Variants in ZNF800 observed in about 807,000 individuals in gnomAD.
The protein encoded by ZNF800 is zinc finger protein 800.
In ZNF800, 13 loss-of-function variants were observed where a neutral mutation model predicts 59.5. The observed-to-expected ratio is 0.22, with a 90% CI of 0.14 to 0.35. The LOEUF (loss-of-function observed/expected upper bound fraction) is 0.35. Ranked by LOEUF, ZNF800 falls within the 10% of genes least tolerant of loss-of-function variation. ZNF800 has a pLI of 1.00. For missense variants in ZNF800, 621 were observed against 783.7 expected (o/e 0.79, Z 2.48); for synonymous variants, 266 against 265.7 (o/e 1.00, Z -0.01).
At chr7:127,383,069 CAAAGG>C (rs1365652147) in intron 3 of ZNF800, among the ~76,000 whole-genome samples, 3 of 152,080 alleles carry the variant, frequency 2.0e-5, no homozygotes, top group Non-Finnish European at 4.4e-5. Context: ...GAAAACAGTT[CAAAGG>C]AAAAGCTGAA....
At chr7:127,379,854 C>CCCCA (rs1562907489) in intron 3 of ZNF800, among the ~76,000 whole-genome samples, 2 of 68,486 alleles carry the variant, frequency 2.9e-5, no homozygotes, top group Non-Finnish European at 6.1e-5. Flanking sequence ...ACCCCCCCAC[C>CCCCA]CCCCCCACAC....
chr7:127,352,602 T>C (rs1419396), intron 1 of ZNF800, among the ~76,000 whole-genome samples: 138,376 of 152,282 alleles, frequency 0.91, 62,983 homozygotes, highest in East Asian at 1. Flanking sequence ...AATTTATTTT[T>C]CATGTAGATT....
intron 3 of ZNF800, among the ~76,000 whole-genome samples, chr7:127,384,227 C>CTTTGTTTTTTTT (rs1801063972): frequency 1.6e-5 from 1 of 63,392 alleles, no homozygotes; most frequent in Non-Finnish European, 2.8e-5. Flanking sequence ...ATTCTAACTT[C>CTTTGTTTTTTTT]TTTTTTTTTT....
At chr7:127,345,921 G>A (rs995251262), downstream of ZNF800, among the ~76,000 whole-genome samples, 3 of 152,160 alleles carry the variant, frequency 2.0e-5, no homozygotes, top group African/African-American at 7.2e-5. Context: ...TGGAGAAGAC[G>A]TGCACGAGGG....
At chr7:127,368,280 T>C (rs1800555181), downstream of ZNF800, among the ~76,000 whole-genome samples, 1 of 152,150 alleles carries the variant, frequency 6.6e-6, no homozygotes. Context: ...ACCATGTGTT[T>C]AATGCCTCAA....
At chr7:127,380,039 C>G (rs1165315677) in intron 3 of ZNF800, among the ~76,000 whole-genome samples, 1 of 152,024 alleles carries the variant, frequency 6.6e-6, no homozygotes, top group East Asian at 1.9e-4. Context: ...CTCCCACTTT[C>G]CTGATCTGAC....
At chr7:127,348,258 T>C (rs1800107010) in intron 1 of ZNF800, among the ~76,000 whole-genome samples, 1 of 152,046 alleles carries the variant, frequency 6.6e-6, no homozygotes, top group Admixed American at 6.6e-5. Flanking sequence ...AACAACTTGG[T>C]GGCAATTTAG....
At chr7:127,379,069 A>T (rs1800876078) in intron 3 of ZNF800, among the ~76,000 whole-genome samples, 1 of 152,188 alleles carries the variant, frequency 6.6e-6, no homozygotes, top group African/African-American at 2.4e-5. Context: ...TTACTCCACT[A>T]GTCCTTATTA....
rs76950899 is a variant in ZNF800 at position 127,373,758 on chromosome 7, A to G, written c.1578T>C (p.Tyr526=). ...VKFYKCPLCT[Y]ETRRKRDVIR... ...TCACATCACGTTTCCGACGAGTTTCATAAGTGCAAAGAGGACACTTGTAGA... is the reference window on the plus strand; with the variant it reads ...TCACATCACGTTTCCGACGAGTTTCGTAAGTGCAAAGAGGACACTTGTAGA... The change falls in exon 5 of 6, where the codon TAT becomes TAC. Residue 526 remains tyrosine, a synonymous_variant. Coordinates refer to ENST00000265827, the MANE Select transcript of ZNF800 (RefSeq NM_176814.5). 3.2e-4 allele frequency: 516 copies of G among 1,614,184 alleles called. 3 individuals carry two copies. In the African/African-American group the frequency reaches 5.6e-3, roughly 17 times the overall value.
chr7:127,360,023 C>T (rs1800365204), intron 1 of ZNF800: 1 of 152,048 alleles, frequency 6.6e-6, no homozygotes, highest in South Asian at 2.1e-4. Context: ...ACATGGAGCT[C>T]GCTGGAACTG....
chr7:127,349,389 T>C (rs1189728754), intron 1 of ZNF800, among the ~76,000 whole-genome samples: 1 of 152,198 alleles, frequency 6.6e-6, no homozygotes, highest in Non-Finnish European at 1.5e-5. Context: ...AAAATTATAA[T>C]AATATAACAC....
intron 1 of ZNF800, among the ~76,000 whole-genome samples, chr7:127,350,970 C>A (rs927424958): frequency 6.6e-6 from 1 of 152,166 alleles, no homozygotes; most frequent in African/African-American, 2.4e-5. Flanking sequence ...AAATGGAGTT[C>A]TCCTTTGATG....
chr7:127,360,756 T>C (rs925609693), intron 1 of ZNF800: 2 of 152,058 alleles, frequency 1.3e-5, no homozygotes, highest in African/African-American at 4.8e-5. Context: ...AACTAAAATA[T>C]GAAAAAATAC....
intron 2 of ZNF800, among the ~76,000 whole-genome samples, chr7:127,386,453 T>C (rs1317247908): frequency 6.6e-6 from 1 of 152,254 alleles, no homozygotes; most frequent in Non-Finnish European, 1.5e-5. Flanking sequence ...TATTATTTAG[T>C]ATACATTCTT....
chr7:127,368,665 C>T (rs897753708), downstream of ZNF800, among the ~76,000 whole-genome samples: 1 of 152,026 alleles, frequency 6.6e-6, no homozygotes, highest in African/African-American at 2.4e-5. Context: ...AACTTCACAA[C>T]AGGGAATGAT....
chr7:127,344,667 G>A (rs1208954018), downstream of ZNF800, among the ~76,000 whole-genome samples: 3 of 152,046 alleles, frequency 2.0e-5, no homozygotes, highest in African/African-American at 7.2e-5. Context: ...AGGAATAGAG[G>A]ATATAAAAAA....
rs1248293505 is a variant in ZNF800 at position 127,371,146 on chromosome 7, T to C, written c.*668A>G. The C allele has an allele frequency of 2.6e-5, 4 of 152,566 alleles. No individual in the cohort carries two copies. The highest frequency in any genetic ancestry group is 2.6e-4 in the Admixed American group (4 of 15,274). 9.5% of individuals were successfully genotyped at this position (152,566 alleles called of 1,614,324 possible). ...TGTTTAATTTTCATAAAAACCTACA[T>C]TTACAAGTGAAAAATGTAATGATCC... On this transcript the variant is annotated 3_prime_UTR_variant, in exon 6 of 6. Transcript: ENST00000265827.
At chr7:127,354,512 A>G (rs1800231158) in intron 1 of ZNF800, among the ~76,000 whole-genome samples, 1 of 152,090 alleles carries the variant, frequency 6.6e-6, no homozygotes, top group South Asian at 2.1e-4. Flanking sequence ...GGTATGCATA[A>G]TATGCTACCA....
At chr7:127,379,556 T>C (rs557665914) in intron 3 of ZNF800, among the ~76,000 whole-genome samples, 96 of 152,192 alleles carry the variant, frequency 6.3e-4, no homozygotes, top group African/African-American at 2.3e-3. Context: ...AAGCATAAAA[T>C]AATCAGTCTG....
Sources: gnomAD v4.1 joint callset for allele counts (sites outside exome capture counted in the v4.1 genomes callset) on GRCh38, gnomAD v4.1.1 for gene constraint, MANE v1.5 for transcripts, NCBI Gene and HGNC (gene_info 2026-07-23, HGNC 2026-07-21) for gene names.